FYB1: variants seen among roughly 807,000 people sequenced by gnomAD.
FYB1 encodes the protein FYN binding protein 1.
FYB1 carries 41 observed loss-of-function variants against 94.1 expected under a neutral mutation model. The ratio of observed to expected loss-of-function variants is 0.44; its 90% CI spans 0.34 to 0.57. The LOEUF (loss-of-function observed/expected upper bound fraction) is 0.57. Ranked by LOEUF, FYB1 falls within the 20% of genes least tolerant of loss-of-function variation. The pLI is 0.02. For missense variants in FYB1, 1,050 were observed against 976.8 expected (o/e 1.07, Z -1.00); for synonymous variants, 367 against 353.2 (o/e 1.04, Z -0.44).
intron 3 of FYB1, among the ~76,000 whole-genome samples, chr5:39,150,100 C>T (rs550638720): frequency 2.0e-5 from 3 of 151,722 alleles, no homozygotes; most frequent in East Asian, 1.9e-4. Flanking sequence ...CATTTTTTTT[C>T]GACTAAATTC....
intron 1 of FYB1, among the ~76,000 whole-genome samples, chr5:39,205,678 C>T (rs760815170): frequency 3.3e-5 from 5 of 152,114 alleles, no homozygotes; most frequent in East Asian, 1.9e-4. Context: ...TGGATTGGAA[C>T]GTAAGTCTCT....
chr5:39,215,376 A>G (rs1749775321), intron 1 of FYB1, among the ~76,000 whole-genome samples: 1 of 152,206 alleles, frequency 6.6e-6, no homozygotes, highest in African/African-American at 2.4e-5. Context: ...TGATAGGGTA[A>G]ATAAAAATAT....
intron 16 of FYB1, 131 bp downstream of exon 16, chr5:39,118,743 C>A (rs954888315): frequency 3.9e-6 from 2 of 515,720 alleles, no homozygotes; most frequent in African/African-American, 3.9e-5. Context: ...ACGTTTGCCA[C>A]AATTTACAAA....
At chr5:39,146,287 T>C (rs1742652235) in intron 3 of FYB1, among the ~76,000 whole-genome samples, 1 of 152,184 alleles carries the variant, frequency 6.6e-6, no homozygotes, top group African/African-American at 2.4e-5. Flanking sequence ...AGCCTAATCA[T>C]TGCATTGCTT....
At chr5:39,132,418 A>C (rs1741282217) in intron 9 of FYB1, among the ~76,000 whole-genome samples, 1 of 152,204 alleles carries the variant, frequency 6.6e-6, no homozygotes, top group South Asian at 2.1e-4. Context: ...TAATTTTCTT[A>C]GTAAGGGTGC....
At chr5:39,117,350 A>G (rs1264298888) in intron 16 of FYB1, among the ~76,000 whole-genome samples, 1 of 152,194 alleles carries the variant, frequency 6.6e-6, no homozygotes. Flanking sequence ...GTAACATTTA[A>G]TAATTTAAAA....
chr5:39,202,270 C>T lies in FYB1; in HGVS notation c.691G>A (p.Val231Ile), dbSNP rs1283021119. 1.2e-6 allele frequency: 2 copies of T among 1,613,824 alleles called. No individual in the cohort carries two copies. Among genetic ancestry groups the T allele is most frequent in the East Asian group, 4.5e-5 (2 of 44,892 alleles). The change falls in exon 2 of 19, where the codon GTC becomes ATC. Residue 231 changes from valine (V) to isoleucine (I), a missense_variant. Physicochemically the swap from Val to Ile is conservative, Grantham distance 29 (BLOSUM62 3). Coordinates refer to ENST00000512982, the MANE Select transcript of FYB1 (RefSeq NM_001465.6). ...SSKGSPAPLG[V>I]RSKSGPLKPA... ...TTTAAAGGGCCGCTTTTGGACCTGA[C>T]TCCCAGGGGAGCTGGGGACCCTTTT...
chr5:39,173,566 A>G (rs1003401038), intron 2 of FYB1, among the ~76,000 whole-genome samples: 4 of 152,160 alleles, frequency 2.6e-5, no homozygotes, highest in East Asian at 1.9e-4. Flanking sequence ...TAGGATTTTT[A>G]TAGTTTGAGA....
chr5:39,193,961 A>T (rs1391275121), intron 2 of FYB1, among the ~76,000 whole-genome samples: 1 of 151,568 alleles, frequency 6.6e-6, no homozygotes, highest in Non-Finnish European at 1.5e-5. Context: ...TGCACTTGTC[A>T]TCCATCAGCC....
intron 16 of FYB1, among the ~76,000 whole-genome samples, chr5:39,118,564 G>T (rs76514087): frequency 3.9e-5 from 6 of 152,080 alleles, no homozygotes; most frequent in Admixed American, 3.9e-4. Context: ...AGGGAACTGC[G>T]ATTTTAATAC....
intron 1 of FYB1, among the ~76,000 whole-genome samples, chr5:39,238,654 T>C (rs958247552): frequency 2.0e-5 from 3 of 152,090 alleles, no homozygotes; most frequent in Admixed American, 6.6e-5. Context: ...TCAAAGTGTC[T>C]GCATACAATC....
chr5:39,172,627 G>A (rs1218666367), intron 2 of FYB1, among the ~76,000 whole-genome samples: 1 of 151,990 alleles, frequency 6.6e-6, no homozygotes, highest in Non-Finnish European at 1.5e-5. Flanking sequence ...GGTCCCCAGG[G>A]TCTATTGTTC....
At chr5:39,108,311 C>T (rs898656536) in intron 17 of FYB1, 49 bp from the exon 18 acceptor site, 6 of 1,444,460 alleles carry the variant, frequency 4.2e-6, no homozygotes, top group Non-Finnish European at 5.6e-6. Context: ...ATGTTCTTGG[C>T]ATTAGAGCAA....
intron 2 of FYB1, among the ~76,000 whole-genome samples, chr5:39,198,602 T>C (rs1748032470): frequency 6.6e-6 from 1 of 152,130 alleles, no homozygotes; most frequent in Admixed American, 6.5e-5. Context: ...GTAGAAACCA[T>C]GGTACAGTAT....
At chr5:39,143,081 A>T (rs1468818857) in intron 3 of FYB1, among the ~76,000 whole-genome samples, 2 of 152,020 alleles carry the variant, frequency 1.3e-5, no homozygotes, top group African/African-American at 4.8e-5. Flanking sequence ...ATGTACCTCC[A>T]TAGCTTTATA....
intron 1 of FYB1, chr5:39,270,593 T>C (rs1219178182): frequency 5.2e-6 from 8 of 1,534,836 alleles, no homozygotes; most frequent in Middle Eastern, 1.7e-4. Flanking sequence ...AGAGTTGATA[T>C]GCCTGGCACA....
chr5:39,210,369 A>T (rs1749251219), intron 1 of FYB1, among the ~76,000 whole-genome samples: 3 of 152,248 alleles, frequency 2.0e-5, no homozygotes, highest in Admixed American at 2.0e-4. Flanking sequence ...GTCTGGTGTT[A>T]TTCCGAGCAC....
chr5:39,115,733 T>C (rs1407369727), intron 16 of FYB1, among the ~76,000 whole-genome samples: 2 of 152,016 alleles, frequency 1.3e-5, no homozygotes, highest in African/African-American at 4.8e-5. Flanking sequence ...AGTAAGCAGG[T>C]TTGTACAAAT....
In FYB1 at chr5:39,118,808, T is replaced by A. The variant is rs966834621; in HGVS notation, c.2401+66A>T. On this transcript the variant is annotated intron_variant, in intron 16 of 18. Transcript: ENST00000512982. The stretch of plus-strand genomic sequence containing the variant: ...GTAAACACAGAGTAGTCACTAAAAC[T>A]TGTTTGGTTGTTAAATTCTGGAGTG... 9.5e-6 allele frequency: 10 copies of A among 1,054,812 alleles called. 2 individuals are homozygous for A. In the South Asian group the frequency reaches 2.7e-4, roughly 29 times the overall value. 65.3% of individuals were successfully genotyped at this position (1,054,812 alleles called of 1,614,324 possible). A position where few individuals can be genotyped will look rare whatever the true frequency, so the allele number is the denominator to read the frequency against.
Sources: gnomAD v4.1 joint callset for allele counts (sites outside exome capture counted in the v4.1 genomes callset) on GRCh38, gnomAD v4.1.1 for gene constraint, MANE v1.5 for transcripts, NCBI Gene and HGNC (gene_info 2026-07-23, HGNC 2026-07-21) for gene names.